LRP1: variants seen among roughly 807,000 people sequenced by gnomAD.
The protein encoded by LRP1 is LDL receptor related protein 1.
In LRP1, 51 loss-of-function variants were observed where a neutral mutation model predicts 541.5. The observed-to-expected ratio is 0.09, with a 90% confidence interval of 0.08 to 0.12. The LOEUF (loss-of-function observed/expected upper bound fraction) is 0.12, where lower values mean the gene tolerates loss of function less well. Ranked by LOEUF, LRP1 falls within the 10% of genes least tolerant of loss-of-function variation. The pLI is 1.00. For synonymous variants in LRP1, 2,219 were observed against 2,470.8 expected (o/e 0.90, Z 3.02); for missense variants, 3,878 against 6,376.2 (o/e 0.61, Z 13.34).
At chr12:57,175,029 G>A (rs971757644) in intron 22 of LRP1, among the ~76,000 whole-genome samples, 1 of 152,072 alleles carries the variant, frequency 6.6e-6, no homozygotes, top group Non-Finnish European at 1.5e-5. Context: ...GAGGACCAAG[G>A]GTGGTATAGG....
rs770524694 is a variant in LRP1 at position 57,176,112 on chromosome 12, C to A, written c.3991+6C>A. On this transcript the variant is annotated splice_donor_region_variant and intron_variant, in intron 24 of 88. Coordinates refer to ENST00000243077, the MANE Select transcript of LRP1 (RefSeq NM_002332.3). Reference sequence around the variant, plus strand: ...GAAGCTGCTGGACAACGGAGGTGACCACCGATTGCTGCCAGGCAGGATGCA... The same window carrying A: ...GAAGCTGCTGGACAACGGAGGTGACAACCGATTGCTGCCAGGCAGGATGCA... 1 of 1,613,634 alleles carries A rather than the reference C, an allele frequency of 6.2e-7. No individual in the cohort carries two copies. Among genetic ancestry groups the A allele is most frequent in the Non-Finnish European group, 8.5e-7 (1 of 1,179,992 alleles).
chr12:57,185,261 G>T lies in LRP1; in HGVS notation c.6463+56G>T. The T allele has an allele frequency of 6.2e-7, 1 of 1,602,946 alleles. No individual in the cohort carries two copies. The highest frequency in any genetic ancestry group is 1.1e-5 in the South Asian group (1 of 89,454). ...AGGTGAGGGGGACTCTGGCCTGGGA[G>T]AGTGCTCCCCAGGGAACCCAGTGTG... On this transcript the variant is annotated intron_variant, in intron 40 of 88. Coordinates refer to ENST00000243077, the MANE Select transcript of LRP1 (RefSeq NM_002332.3). This position sits in a 1 kb window ranked among gnomAD's most constrained non-coding sequence, Gnocchi z 4.9.
At position 57,145,424 on chromosome 12, in the gene LRP1, G is replaced by T. The variant is rs1244536166; in HGVS notation, c.775G>T (p.Ala259Ser). 4 of 1,614,152 alleles carry T rather than the reference G, an allele frequency of 2.5e-6. No homozygotes were observed. In the Admixed American group the frequency reaches 6.7e-5, roughly 27 times the overall value. ...DSAAQTQLKC[A>S]RMPGLKGFVD... ...TGCTGCTCAGACGCAGCTCAAGTGT[G>T]CCCGCATGCCTGGCCTAAAGGGCTT... Residue 259 changes from alanine (A) to serine (S), a missense_variant, in exon 6 of 89, where the codon GCC (alanine) becomes TCC (serine). Ala to Ser is a moderately conservative substitution (Grantham distance 99, BLOSUM62 1). Transcript: ENST00000243077.
Position 57,201,687 on chromosome 12 carries a change from G to A in LRP1, c.10468+68G>A. ...TGCTGCTCACACCACCCCGACGTGTGACCCCCTCAGTGGCTGCTCCCTCAC... is the reference window on the plus strand; with the variant it reads ...TGCTGCTCACACCACCCCGACGTGTAACCCCCTCAGTGGCTGCTCCCTCAC... On this transcript the variant is annotated intron_variant, in intron 66 of 88. Coordinates refer to ENST00000243077, the MANE Select transcript of LRP1 (RefSeq NM_002332.3). This position sits in a 1 kb window ranked among gnomAD's most constrained non-coding sequence, Gnocchi z 6.4. 4.4e-6 allele frequency: 7 copies of A among 1,594,858 alleles called. No homozygotes were observed. The highest frequency in any genetic ancestry group is 6.0e-6 in the Non-Finnish European group (7 of 1,166,848).
chr12:57,203,606 T>G, intron 70 of LRP1, 85 bp downstream of exon 70: 80 of 1,382,394 alleles, frequency 5.8e-5, no homozygotes, highest in Middle Eastern at 2.4e-4. Flanking sequence ...ATTCTTTCTC[T>G]TCTGTATTCA....
At chr12:57,193,865 C>G (rs762769817) in intron 47 of LRP1, 34 bp from the exon 48 acceptor site, 2 of 1,604,942 alleles carry the variant, frequency 1.2e-6, no homozygotes, top group Non-Finnish European at 1.7e-6. Context: ...AGAGAAAACT[C>G]TGGCCTGACG....
chr12:57,156,941 T>C lies in LRP1; in HGVS notation c.1561+21T>C. The C allele has an allele frequency of 6.5e-7, 1 of 1,548,564 alleles. No individual in the cohort carries two copies. The highest frequency in any genetic ancestry group is 8.7e-7 in the Non-Finnish European group (1 of 1,143,578). ...CAAGAGTGAGTGACAGGGAAGGGGG[T>C]GTGTGCCCATTGGGAGGCTGCGGGA... On this transcript the variant is annotated intron_variant, in intron 10 of 88. Coordinates refer to ENST00000243077, the MANE Select transcript of LRP1 (RefSeq NM_002332.3). The surrounding 1 kb of genome is among the most constrained non-coding windows in gnomAD (Gnocchi z 5.2).
chr12:57,135,840 C>CG (rs992912251), intron 1 of LRP1, among the ~76,000 whole-genome samples: 24 of 146,592 alleles, frequency 1.6e-4, no homozygotes, highest in African/African-American at 6.1e-4. Context: ...TGGGGGACAG[C>CG]GGGGGGGACT....
In LRP1 at chr12:57,179,263, T is replaced by C. The variant is rs2036111793; in HGVS notation, c.4739-66T>C. On this transcript the variant is annotated intron_variant, in intron 28 of 88. Coordinates refer to ENST00000243077, the MANE Select transcript of LRP1 (RefSeq NM_002332.3). This position sits in a 1 kb window ranked among gnomAD's most constrained non-coding sequence, Gnocchi z 6.8. ...GACGGATCCAGAAGAAGGCAGGGCC[T>C]GAAACCGGATTGGTGGGAAGCACAG... is the stretch of plus-strand genomic sequence containing the variant. 10 of 1,357,018 alleles carry C rather than the reference T, an allele frequency of 7.4e-6. No homozygotes were observed. Among genetic ancestry groups the C allele is most frequent in the Non-Finnish European group, 1.0e-5 (10 of 962,874 alleles). 84.1% of individuals were successfully genotyped at this position (1,357,018 alleles called of 1,614,324 possible).
Position 57,154,593 on chromosome 12 carries a change from G to A in LRP1, c.1119G>A (p.Thr373=), listed in dbSNP as rs1406975254. Residue 373 remains threonine, a synonymous_variant, in exon 8 of 89, where the codon ACG becomes ACA. Transcript: ENST00000243077. This position sits in a 1 kb window ranked among gnomAD's most constrained non-coding sequence, Gnocchi z 4.6. ...AGATTGTGTTTCCTCATGGCATCACGCTGGACCTGGTCAGCCGCCTTGTCT... is the reference window on the plus strand; with the variant it reads ...AGATTGTGTTTCCTCATGGCATCACACTGGACCTGGTCAGCCGCCTTGTCT... The part of the protein sequence containing the change: ...DSKIVFPHGI[T]LDLVSRLVYW... 2.5e-6 allele frequency: 4 copies of A among 1,613,020 alleles called. No individual in the cohort carries two copies. The highest frequency in any genetic ancestry group is 1.6e-4 in the Middle Eastern group (1 of 6,062).
At position 57,154,693 on chromosome 12, in the gene LRP1, G is replaced by A. The variant is rs1181302107; in HGVS notation, c.1219G>A (p.Gly407Ser). 1 of 1,559,240 alleles carries A rather than the reference G, an allele frequency of 6.4e-7. No homozygotes were observed. The highest frequency in any genetic ancestry group is 8.7e-7 in the Non-Finnish European group (1 of 1,151,244). Residue 407 changes from glycine to serine, a missense_variant, in exon 8 of 89, where the codon GGC becomes AGC. Physicochemically the swap from Gly to Ser is moderately conservative, Grantham distance 56 (BLOSUM62 0). This residue lies in a region of LRP1 where 496 missense variants were observed against 861.0 expected (regional missense o/e 0.58). Transcript: ENST00000243077. The surrounding 1 kb of genome is among the most constrained non-coding windows in gnomAD (Gnocchi z 4.6). ...EGKGRQTIIQ[G>S]ILIEHLYGLT... ...CAAGGGCCGCCAGACCATCATCCAG[G>A]GCATCCTGGTGAGGGAGCTACTGTC...
rs776766672 is a variant in LRP1, at chr12:57,161,004, A to T, written c.2091A>T (p.Thr697=). The T allele has an allele frequency of 1.2e-6, 2 of 1,613,940 alleles. No homozygotes were observed. Among genetic ancestry groups the T allele is most frequent in the Non-Finnish European group, 1.7e-6 (2 of 1,180,008 alleles). The change falls in exon 13 of 89, where the codon ACA becomes ACT. Residue 697 remains threonine, a synonymous_variant. Transcript: ENST00000243077. ...GAGACATCTTTGTCACCTCCAAGAC[A>T]GTGCTTTGGCCCAATGGGCTAAGCC... ...SHRDIFVTSK[T]VLWPNGLSLD...
In LRP1 at chr12:57,201,654, C is replaced by T. The variant is rs1210832021; in HGVS notation, c.10468+35C>T. 6.2e-7 allele frequency: 1 copy of T among 1,603,544 alleles called. No homozygotes were observed. The highest frequency in any genetic ancestry group is 2.2e-5 in the East Asian group (1 of 44,696). ...CTGGCCTGGAGCCCAGCTTCCCTCCCCAGTGTCTGCTGCTCACACCACCCC... is the reference window on the plus strand; with the variant it reads ...CTGGCCTGGAGCCCAGCTTCCCTCCTCAGTGTCTGCTGCTCACACCACCCC... On this transcript the variant is annotated intron_variant, in intron 66 of 88. Coordinates refer to ENST00000243077, the MANE Select transcript of LRP1 (RefSeq NM_002332.3). The surrounding 1 kb of genome is among the most constrained non-coding windows in gnomAD (Gnocchi z 6.4).
chr12:57,208,403 C>G, intron 77 of LRP1, 187 bp downstream of exon 77: 1 of 670,354 alleles, frequency 1.5e-6, no homozygotes, highest in Non-Finnish European at 2.5e-6. Context: ...TGCCCAGGGC[C>G]CCCAGCTGGG....
At position 57,178,858 on chromosome 12, in the gene LRP1, C is replaced by T. The variant is rs1292210076; in HGVS notation, c.4607-32C>T. ...AGGGAGCAGCAAGTCACAGGATGCT[C>T]TGGCTTCTTCTCTTCTCCACCCTGC... On this transcript the variant is annotated intron_variant, in intron 27 of 88. Coordinates refer to ENST00000243077, the MANE Select transcript of LRP1 (RefSeq NM_002332.3). The surrounding 1 kb of genome is among the most constrained non-coding windows in gnomAD (Gnocchi z 5.8). 1 of 1,594,316 alleles carries T rather than the reference C, an allele frequency of 6.3e-7. No homozygotes were observed. The highest frequency in any genetic ancestry group is 2.2e-5 in the East Asian group (1 of 44,838).
Position 57,212,375 on chromosome 12 carries a change from C to T in LRP1, c.13495-40C>T, listed in dbSNP as rs1048133522. On this transcript the variant is annotated intron_variant, in intron 88 of 88. Transcript: ENST00000243077. The surrounding 1 kb of genome is among the most constrained non-coding windows in gnomAD (Gnocchi z 5.0). The stretch of plus-strand genomic sequence containing the variant: ...GGTGGGGTAACCTGGGCTACAGGCC[C>T]AGCTCCTGAGCCCTACCTGAACCCT... The T allele has an allele frequency of 6.2e-7, 1 of 1,613,928 alleles. No homozygotes were observed.
At chr12:57,133,694 C>G (rs1459642207) in intron 1 of LRP1, among the ~76,000 whole-genome samples, 1 of 138,022 alleles carries the variant, frequency 7.2e-6, no homozygotes, top group Non-Finnish European at 1.5e-5. Context: ...TCATGTGGTT[C>G]CCTTTAGAGA....
In LRP1 at chr12:57,179,790, A is replaced by G; in HGVS notation, c.4975A>G (p.Asn1659Asp). The change falls in exon 30 of 89, where the codon AAT (asparagine) becomes GAT (aspartate). Residue 1659 changes from asparagine (N) to aspartate (D), a missense_variant. Physicochemically the swap from Asn to Asp is conservative, Grantham distance 23. Coordinates refer to ENST00000243077, the MANE Select transcript of LRP1 (RefSeq NM_002332.3). This position sits in a 1 kb window ranked among gnomAD's most constrained non-coding sequence, Gnocchi z 6.8. ...VETVVSADLP[N>D]AHGLAVDWVS... The stretch of plus-strand genomic sequence containing the variant: ...CCTACTTGTGCCCCCAGACTTGCCA[A>G]ATGCCCACGGGCTGGCTGTGGACTG... 1 of 1,613,872 alleles carries G rather than the reference A, an allele frequency of 6.2e-7. No individual in the cohort carries two copies. Among genetic ancestry groups the G allele is most frequent in the Non-Finnish European group, 8.5e-7 (1 of 1,179,882 alleles).
rs76430281 is a variant in LRP1, at chr12:57,131,680, T to A, written c.67+2649T>A. Among the ~76,000 whole-genome samples, 713 of 152,294 alleles carry A rather than the reference T, an allele frequency of 4.7e-3. 3 individuals carry two copies. The highest frequency in any genetic ancestry group is 8.2e-3 in the Non-Finnish European group (557 of 68,026). On this transcript the variant is annotated intron_variant, in intron 1 of 88. Transcript: ENST00000243077. ...AAGCAAGAATGTGTAAGAAATTCAT[T>A]TTGGGGTTGGAGGGATATTTTGATG...
Sources: gnomAD v4.1 joint callset for allele counts (sites outside exome capture counted in the v4.1 genomes callset) on GRCh38, gnomAD v4.1.1 for gene constraint, gnomAD v4.1.1 regional missense constraint, Gnocchi (gnomAD v3.1) non-coding constraint, MANE v1.5 for transcripts, NCBI Gene and HGNC (gene_info 2026-07-23, HGNC 2026-07-21) for gene names.